The following UPK1B variants were observed in gnomAD, a reference collection of about 807,000 sequenced individuals.
UPK1B encodes the protein uroplakin 1B.
UPK1B carries 28 observed loss-of-function variants against 34.2 expected under a neutral mutation model. That is an observed-to-expected ratio of 0.82 (90% CI 0.61 to 1.12). The LOEUF (loss-of-function observed/expected upper bound fraction) is 1.12. Among genes scored for constraint, UPK1B ranks in the 50% most tolerant of loss-of-function variants. The pLI is 0.00. For missense variants in UPK1B, 325 were observed against 320.9 expected (o/e 1.01, Z -0.10); for synonymous variants, 81 against 110.4 (o/e 0.73, Z 1.67).
chr3:119,184,296 C>T (rs145259924), intron 1 of UPK1B, among the ~76,000 whole-genome samples: 130 of 152,306 alleles, frequency 8.5e-4, no homozygotes, highest in South Asian at 1.9e-3. Context: ...CTCCCTTGAT[C>T]GGGGCCCCTG....
intron 1 of UPK1B, among the ~76,000 whole-genome samples, chr3:119,178,202 C>G (rs1002408589): frequency 6.6e-5 from 10 of 152,212 alleles, no homozygotes; most frequent in South Asian, 2.1e-4. Flanking sequence ...GGTCCAACCA[C>G]TCCTCCACTG....
rs1176503474 is a variant in UPK1B, at chr3:119,199,078, G to A, written c.670G>A (p.Gly224Ser). Residue 224 changes from glycine (G) to serine (S), a missense_variant, in exon 7 of 8, where the codon GGT (glycine) becomes AGT (serine). Physicochemically the swap from Gly to Ser is moderately conservative, Grantham distance 56 (BLOSUM62 0). Transcript: ENST00000264234. ...HNQGCYELIS[G>S]PMNRHAWGVA... ...TCAGGGCTGCTATGAACTGATCTCT[G>A]GTCCAATGAACCGACACGCCTGGGG... 10 of 1,614,120 alleles carry A rather than the reference G, an allele frequency of 6.2e-6. No individual in the cohort carries two copies. The highest frequency in any genetic ancestry group is 6.8e-6 in the Non-Finnish European group (8 of 1,180,000).
chr3:119,194,126 C>G, intron 5 of UPK1B, 93 bp from the exon 6 acceptor site: 1 of 1,252,356 alleles, frequency 8.0e-7, no homozygotes, highest in Non-Finnish European at 1.1e-6. Flanking sequence ...GTACACTTTC[C>G]GTATCTTCTT....
chr3:119,191,686 T>A (rs374205088), intron 5 of UPK1B, among the ~76,000 whole-genome samples: 11 of 152,276 alleles, frequency 7.2e-5, no homozygotes, highest in African/African-American at 2.4e-4. Context: ...ATGAACTCTT[T>A]ACTATCTTTT....
At chr3:119,197,108 T>C (rs1020799396) in intron 6 of UPK1B, among the ~76,000 whole-genome samples, 1 of 152,204 alleles carries the variant, frequency 6.6e-6, no homozygotes, top group Non-Finnish European at 1.5e-5. Context: ...ACAAATGTGC[T>C]GCTATAGCTG....
At chr3:119,182,842 T>G (rs2077995376) in intron 1 of UPK1B, among the ~76,000 whole-genome samples, 1 of 152,226 alleles carries the variant, frequency 6.6e-6, no homozygotes. Flanking sequence ...ACTTGCACAT[T>G]GCACATTTTA....
chr3:119,182,839 CA>C (rs1443532222), intron 1 of UPK1B, among the ~76,000 whole-genome samples: 2 of 152,186 alleles, frequency 1.3e-5, no homozygotes, highest in Admixed American at 1.3e-4. Flanking sequence ...TTGACTTGCA[CA>C]TTGCACATTT....
intron 1 of UPK1B, among the ~76,000 whole-genome samples, chr3:119,179,401 A>AG (rs2077977473): frequency 8.7e-6 from 1 of 114,834 alleles, no homozygotes; most frequent in Non-Finnish European, 1.8e-5. Flanking sequence ...ATATATATTA[A>AG]TTCTAAGGAA....
In UPK1B at chr3:119,187,927, T is replaced by A. The variant is rs2078026610; in HGVS notation, c.222T>A (p.Val74=). 6.2e-7 allele frequency: 1 copy of A among 1,614,010 alleles called. No homozygotes were observed. The highest frequency in any genetic ancestry group is 8.5e-7 in the Non-Finnish European group (1 of 1,180,028). ...GCATCTGCCTCTTCTGCCTGTCTGTTCTAGGCATTGTAGGCATCATGAAGT... is the reference window on the plus strand; with the variant it reads ...GCATCTGCCTCTTCTGCCTGTCTGTACTAGGCATTGTAGGCATCATGAAGT... ...FVGICLFCLS[V]LGIVGIMKSS... Residue 74 remains valine (V), a synonymous_variant, in exon 3 of 8, where the codon GTT becomes GTA. Coordinates refer to ENST00000264234, the MANE Select transcript of UPK1B (RefSeq NM_006952.4).
rs2078081636 is a variant in UPK1B at position 119,199,389 on chromosome 3, GC to G, written c.732+251del. Among the ~76,000 whole-genome samples, 3 of 152,252 alleles carry G rather than the reference GC, an allele frequency of 2.0e-5. 1 individual carries two copies. The South Asian group carries it at 6.2e-4, about 32-fold the overall frequency. On this transcript the variant is annotated intron_variant, in intron 7 of 7. Coordinates refer to ENST00000264234, the MANE Select transcript of UPK1B (RefSeq NM_006952.4). ...TCCTTCTTCCGGCTGATGGGCAGCT[GC>G]CTTTAGAGGGCTGGAGAGCCTCTTT...
intron 7 of UPK1B, 135 bp from the exon 8 acceptor site, chr3:119,203,782 G>C (rs976466196): frequency 5.8e-5 from 52 of 902,468 alleles, no homozygotes; most frequent in Admixed American, 4.9e-5. Context: ...TGGTTTTTTA[G>C]AAGAAATAAA....
intron 6 of UPK1B, among the ~76,000 whole-genome samples, chr3:119,195,594 T>C (rs1344100359): frequency 2.6e-5 from 4 of 152,236 alleles, no homozygotes; most frequent in African/African-American, 9.6e-5. Flanking sequence ...TTATTAAAAA[T>C]TAAATTTGCT....
chr3:119,184,731 A>C (rs1248939602), intron 1 of UPK1B, among the ~76,000 whole-genome samples: 9 of 152,262 alleles, frequency 5.9e-5, no homozygotes, highest in African/African-American at 2.2e-4. Context: ...GTCTCAAAAA[A>C]TAATAATAAT....
chr3:119,190,378 T>C lies in UPK1B; in HGVS notation c.345+59T>C, dbSNP rs1576869720. 5.3e-6 allele frequency: 7 copies of C among 1,317,692 alleles called. No individual in the cohort carries two copies. The East Asian group carries it at 9.2e-5, about 17-fold the overall frequency. 81.6% of individuals were successfully genotyped at this position (1,317,692 alleles called of 1,614,324 possible). A position where few individuals can be genotyped will look rare whatever the true frequency, so the allele number is the denominator to read the frequency against. Reference sequence around the variant, plus strand: ...ATTATCATTATTATAACAACCAACATGTATTAACCCCTTACTATGTGCCCA... The same window carrying C: ...ATTATCATTATTATAACAACCAACACGTATTAACCCCTTACTATGTGCCCA... On this transcript the variant is annotated intron_variant, in intron 4 of 7. Coordinates refer to ENST00000264234, the MANE Select transcript of UPK1B (RefSeq NM_006952.4).
At position 119,199,045 on chromosome 3, in the gene UPK1B, C is replaced by T. The variant is rs749926471; in HGVS notation, c.649-12C>T. 3.3e-5 allele frequency: 53 copies of T among 1,613,820 alleles called. No individual in the cohort carries two copies. The highest frequency in any genetic ancestry group is 4.4e-5 in the Non-Finnish European group (52 of 1,179,938). The stretch of plus-strand genomic sequence containing the variant: ...TCTTCTCACACTAATGTGGAATTGC[C>T]CACTCCTTCAGGGCTGCTATGAACT... On this transcript the variant is annotated splice_polypyrimidine_tract_variant and intron_variant, in intron 6 of 7. Coordinates refer to ENST00000264234, the MANE Select transcript of UPK1B (RefSeq NM_006952.4).
Position 119,179,352 on chromosome 3 carries a change from G to GATATATATATAT in UPK1B, c.-29+5749_-29+5760dup, listed in dbSNP as rs60685268. On this transcript the variant is annotated intron_variant, in intron 1 of 7. Transcript: ENST00000264234. ...AGAGAGAGGGAGAGAGAGAGAGGGA[G>GATATATATATAT]ATATATATATATATATATATATATA... Among the ~76,000 whole-genome samples, 76 of 46,838 alleles carry GATATATATATAT rather than the reference G, an allele frequency of 1.6e-3. 4 individuals are homozygous for GATATATATATAT. Among genetic ancestry groups the GATATATATATAT allele is most frequent in the Non-Finnish European group, 2.7e-3 (55 of 20,356 alleles). 30.7% of individuals were successfully genotyped at this position (46,838 alleles called of 152,430 possible).
intron 1 of UPK1B, chr3:119,175,872 G>A (rs924802088): frequency 8.5e-5 from 13 of 152,208 alleles, no homozygotes; most frequent in Admixed American, 2.6e-4. Context: ...TTAAATAACT[G>A]CATGCAACTA....
chr3:119,198,414 T>C (rs2078076221), intron 6 of UPK1B, among the ~76,000 whole-genome samples: 1 of 152,198 alleles, frequency 6.6e-6, no homozygotes, highest in African/African-American at 2.4e-5. Flanking sequence ...GTGACTAGGA[T>C]AGAGTGCGCC....
intron 1 of UPK1B, among the ~76,000 whole-genome samples, chr3:119,179,911 G>A (rs372145043): frequency 1.5e-5 from 2 of 130,688 alleles, no homozygotes; most frequent in Admixed American, 9.3e-5. Context: ...CGATTCTCCC[G>A]CCTCAGCCTC....
Sources: gnomAD v4.1 joint callset for allele counts (sites outside exome capture counted in the v4.1 genomes callset) on GRCh38, gnomAD v4.1.1 for gene constraint, MANE v1.5 for transcripts, NCBI Gene and HGNC (gene_info 2026-07-23, HGNC 2026-07-21) for gene names.